RELN: variants seen among roughly 807,000 people sequenced by gnomAD.
RELN encodes the protein reelin.
Under a neutral mutation model 427.6 loss-of-function variants are expected in RELN, and 108 were observed. The observed-to-expected ratio is 0.25, with a 90% CI of 0.22 to 0.30. RELN has a LOEUF of 0.30. RELN is among the 10% of genes least tolerant of loss of function. The pLI is 1.00. For missense variants in RELN, 3,715 were observed against 4,302.8 expected, an observed-to-expected ratio of 0.86 and a Z score of 3.82; for synonymous variants, 1,524 against 1,513.4, an observed-to-expected ratio of 1.01 and a Z score of -0.16.
intron 50 of RELN, chr7:103,512,982 C>T (rs1829465439): frequency 6.6e-6 from 1 of 152,200 alleles, no homozygotes; most frequent in Non-Finnish European, 1.5e-5. Context: ...AGCAGCTTAT[C>T]TCTGAGATTC....
intron 48 of RELN, 70 bp from the exon 49 acceptor site, chr7:103,519,586 A>ATTT (rs35127886): frequency 8.4e-5 from 83 of 989,134 alleles, no homozygotes; most frequent in African/African-American, 1.2e-4. Context: ...TTTTCTATGG[A>ATTT]TTTTTTTTTT....
intron 22 of RELN, among the ~76,000 whole-genome samples, chr7:103,608,825 G>A (rs1437994935): frequency 1.3e-5 from 2 of 152,278 alleles, no homozygotes; most frequent in East Asian, 3.9e-4. Context: ...CAAAGAACCT[G>A]CAAAGGCTTT....
At chr7:103,756,216 G>A (rs3819477) in intron 4 of RELN, among the ~76,000 whole-genome samples, 11,012 of 152,182 alleles carry the variant, frequency 0.072, 438 homozygotes, top group East Asian at 0.14. Context: ...CTGGACACAT[G>A]GAAGCTTTCA....
intron 6 of RELN, among the ~76,000 whole-genome samples, chr7:103,744,894 A>G (rs1584457786): frequency 6.6e-6 from 1 of 152,242 alleles, no homozygotes; most frequent in Non-Finnish European, 1.5e-5. Context: ...AAAAAGAGGG[A>G]ATCCTCCCTA....
At chr7:103,551,324 A>G in intron 40 of RELN, 28 bp from the exon 41 acceptor site, 1 of 1,512,660 alleles carries the variant, frequency 6.6e-7, no homozygotes, top group Non-Finnish European at 9.1e-7. Flanking sequence ...AAATGATACA[A>G]ATTACCTCAG....
intron 40 of RELN, among the ~76,000 whole-genome samples, chr7:103,552,183 C>A (rs1830427948): frequency 6.6e-6 from 1 of 152,106 alleles, no homozygotes; most frequent in South Asian, 2.1e-4. Flanking sequence ...AGGAAAACAA[C>A]CACTCCATTC....
At chr7:103,712,297 TTGTC>T (rs1336297288) in intron 8 of RELN, among the ~76,000 whole-genome samples, 1 of 151,220 alleles carries the variant, frequency 6.6e-6, no homozygotes, top group Non-Finnish European at 1.5e-5. Context: ...CAAATAAACT[TTGTC>T]TGTTCTTTCC....
At chr7:103,934,828 G>A (rs548155521) in intron 1 of RELN, among the ~76,000 whole-genome samples, 1 of 152,292 alleles carries the variant, frequency 6.6e-6, no homozygotes, top group African/African-American at 2.4e-5. Context: ...ATGGGAATGG[G>A]AATAAGAAGA....
chr7:103,676,367 A>G (rs530929157), intron 11 of RELN, among the ~76,000 whole-genome samples: 18 of 152,216 alleles, frequency 1.2e-4, no homozygotes, highest in South Asian at 2.1e-4. Flanking sequence ...TTAGAATGGC[A>G]ATCATTAAAA....
At chr7:103,575,196 G>A (rs1464905970) in intron 29 of RELN, among the ~76,000 whole-genome samples, 1 of 152,058 alleles carries the variant, frequency 6.6e-6, no homozygotes, top group Non-Finnish European at 1.5e-5. Flanking sequence ...ATATAAATAG[G>A]GTTTACAGTA....
intron 2 of RELN, among the ~76,000 whole-genome samples, chr7:103,909,672 T>TG (rs1197625725): frequency 1.2e-5 from 1 of 81,318 alleles, no homozygotes; most frequent in African/African-American, 5.4e-5. Flanking sequence ...TAAATATATA[T>TG]TAAATATATT....
intron 21 of RELN, 84 bp downstream of exon 21, chr7:103,611,527 A>T: frequency 9.9e-7 from 1 of 1,012,710 alleles, no homozygotes; most frequent in African/African-American, 1.8e-5. Context: ...CTAAACTTCT[A>T]GAACTGTAAT....
chr7:103,533,104 C>A (rs532739737), intron 46 of RELN, among the ~76,000 whole-genome samples: 5 of 152,186 alleles, frequency 3.3e-5, no homozygotes, highest in Non-Finnish European at 7.3e-5. Flanking sequence ...TGTGACCAGC[C>A]AACCTCAGCT....
intron 8 of RELN, among the ~76,000 whole-genome samples, chr7:103,713,984 A>T (rs1404922919): frequency 6.6e-6 from 1 of 152,222 alleles, no homozygotes; most frequent in Non-Finnish European, 1.5e-5. Context: ...ACTGTTAAGT[A>T]GAGCAACATC....
chr7:103,975,560 T>TA (rs1429307506), intron 1 of RELN, among the ~76,000 whole-genome samples: 2 of 150,928 alleles, frequency 1.3e-5, no homozygotes, highest in African/African-American at 4.9e-5. Context: ...TTTATTTATT[T>TA]ATTTTGAGAC....
intron 1 of RELN, among the ~76,000 whole-genome samples, chr7:103,939,076 A>G (rs1322372216): frequency 3.3e-5 from 5 of 151,876 alleles, no homozygotes; most frequent in African/African-American, 1.2e-4. Flanking sequence ...CCTCCCAAGT[A>G]GCTTGCATTA....
chr7:103,734,329 C>T (rs866393853), intron 6 of RELN, among the ~76,000 whole-genome samples: 10 of 151,520 alleles, frequency 6.6e-5, no homozygotes, highest in African/African-American at 2.4e-4. Context: ...AATTGCTTCT[C>T]TGCCTAATAG....
At chr7:103,479,668 AAAATC>A (rs774400714) in intron 63 of RELN, among the ~76,000 whole-genome samples, 2 of 152,166 alleles carry the variant, frequency 1.3e-5, no homozygotes, top group Non-Finnish European at 2.9e-5. Flanking sequence ...CATATTTATG[AAAATC>A]AAATCCTTCC....
chr7:103,969,404 G>A (rs1035824856), intron 1 of RELN, among the ~76,000 whole-genome samples: 12 of 152,194 alleles, frequency 7.9e-5, no homozygotes, highest in Non-Finnish European at 1.5e-4. Flanking sequence ...AACATTTAGA[G>A]AGTTCAGTAA....
Sources: gnomAD v4.1 joint callset for allele counts (sites outside exome capture counted in the v4.1 genomes callset) on GRCh38, gnomAD v4.1.1 for gene constraint, MANE v1.5 for transcripts, NCBI Gene and HGNC (gene_info 2026-07-23, HGNC 2026-07-21) for gene names.